Variants in MYOM2 observed in about 807,000 individuals in gnomAD.
MYOM2 encodes the protein myomesin-2.
A neutral mutation model predicts 187.6 loss-of-function variants in MYOM2; 254 were observed. The ratio of observed to expected loss-of-function variants is 1.35; its 90% CI spans 1.22 to 1.50. The LOEUF is 1.50. Among genes scored for constraint, MYOM2 ranks in the 40% most tolerant of loss-of-function variants. The probability of loss-of-function intolerance (pLI) is 0.00; values close to 1 mark genes in which losing one functional copy is unlikely to be tolerated. For missense variants in MYOM2, 2,796 were observed against 1,924.0 expected, an observed-to-expected ratio of 1.45 and a Z score of -8.48; for synonymous variants, 981 against 753.8, an observed-to-expected ratio of 1.30 and a Z score of -4.94.
intron 28 of MYOM2, among the ~76,000 whole-genome samples, chr8:2,118,339 G>A (rs765101036): frequency 2.6e-5 from 4 of 152,110 alleles, no homozygotes; most frequent in Non-Finnish European, 5.9e-5. Context: ...TTTCAGTTTC[G>A]TTTAACAATG....
intron 17 of MYOM2, 82 bp downstream of exon 17, chr8:2,094,173 T>G: frequency 6.5e-7 from 1 of 1,536,636 alleles, no homozygotes; most frequent in Non-Finnish European, 8.9e-7. Context: ...TGATGCCATT[T>G]GGAATGTCAT....
chr8:2,143,457 G>A lies in MYOM2; in HGVS notation c.4080+1G>A. ...CGTGGTGACCATCATGGAAGGGAAG[G>A]TGAGGATTCTAAACTCGGCCGGGGT... is the stretch of plus-strand genomic sequence containing the variant. On this transcript the variant is annotated splice_donor_variant, in intron 36 of 36. Transcript: ENST00000262113. LOFTEE classifies it high-confidence loss of function. The A allele has an allele frequency of 1.2e-6, 2 of 1,614,132 alleles. No homozygotes were observed. The highest frequency in any genetic ancestry group is 8.5e-7 in the Non-Finnish European group (1 of 1,180,022).
At position 2,103,658 on chromosome 8, in the gene MYOM2, T is replaced by C. The variant is rs184290635; in HGVS notation, c.2734+877T>C. ...GGAGAGCGTGCATGTATTATGTGTA[T>C]ATGTGTATGTATGTAGAGGTATATG... On this transcript the variant is annotated intron_variant, in intron 21 of 36. Coordinates refer to ENST00000262113, the MANE Select transcript of MYOM2 (RefSeq NM_003970.4). 1.9e-3 allele frequency among the ~76,000 whole-genome samples: 286 copies of C among 150,838 alleles called. 1 individual carries two copies. The highest frequency in any genetic ancestry group is 6.7e-3 in the African/African-American group (273 of 40,896).
chr8:2,046,082 C>A (rs7010611), intron 1 of MYOM2, among the ~76,000 whole-genome samples: 1 of 152,160 alleles, frequency 6.6e-6, no homozygotes, highest in Non-Finnish European at 1.5e-5. Flanking sequence ...GTGGCACAGG[C>A]CAACGCTGCG....
chr8:2,110,890 A>G (rs1797047915), intron 25 of MYOM2, among the ~76,000 whole-genome samples: 2 of 152,188 alleles, frequency 1.3e-5, no homozygotes, highest in Admixed American at 6.5e-5. Context: ...AGTCTTTCCC[A>G]TGAGAATCAT....
Position 2,140,801 on chromosome 8 carries a change from G to A in MYOM2, c.3879G>A (p.Pro1293=), listed in dbSNP as rs371862202. Reference sequence around the variant, plus strand: ...TGGCTTGGCTGCAGATATGTGAGCCGACTGAGAAGGATAAAGGAAAATACA... The same window carrying A: ...TGGCTTGGCTGCAGATATGTGAGCCAACTGAGAAGGATAAAGGAAAATACA... ...EEMAWLQICE[P]TEKDKGKYTF... Residue 1293 remains proline, a synonymous_variant, in exon 33 of 37, where the codon CCG becomes CCA. Transcript: ENST00000262113. 4.6e-5 allele frequency: 74 copies of A among 1,614,110 alleles called. No individual in the cohort carries two copies. Among genetic ancestry groups the A allele is most frequent in the East Asian group, 3.8e-4 (17 of 44,880 alleles).
chr8:2,112,545 G>A (rs1376173801), intron 25 of MYOM2, among the ~76,000 whole-genome samples: 4 of 152,172 alleles, frequency 2.6e-5, no homozygotes, highest in South Asian at 2.1e-4. Flanking sequence ...AGTGATCTTA[G>A]GAAATAGTGT....
At chr8:2,134,984 A>T (rs1427823138) in intron 32 of MYOM2, among the ~76,000 whole-genome samples, 3 of 152,088 alleles carry the variant, frequency 2.0e-5, no homozygotes, top group African/African-American at 7.2e-5. Context: ...GTGCACACGG[A>T]GGCACACACT....
chr8:2,096,200 C>A (rs748249999), intron 17 of MYOM2, 47 bp from the exon 18 acceptor site: 36 of 1,572,928 alleles, frequency 2.3e-5, no homozygotes, highest in East Asian at 4.5e-5. Context: ...GGGGACAAAG[C>A]CCCCAGCTGA....
intron 32 of MYOM2, among the ~76,000 whole-genome samples, chr8:2,136,406 G>A (rs72621162): frequency 9.2e-5 from 14 of 152,200 alleles, no homozygotes; most frequent in Admixed American, 3.9e-4. Context: ...AAGTGGGCCA[G>A]TGTGTGATTT....
At position 2,056,889 on chromosome 8, in the gene MYOM2, T is replaced by C. The variant is rs62480511; in HGVS notation, c.264-459T>C. On this transcript the variant is annotated intron_variant, in intron 3 of 36. Transcript: ENST00000262113. ...ATTTCCCGAGTTGCCCTGTCTTTAC[T>C]GAGCACCTGCTGCATGTGAGTTTCT... Among the ~76,000 whole-genome samples, 323 of 152,344 alleles carry C rather than the reference T, an allele frequency of 2.1e-3. 3 individuals are homozygous for C. The highest frequency in any genetic ancestry group is 7.4e-3 in the African/African-American group (306 of 41,590).
At chr8:2,094,304 A>C (rs1489111567) in intron 17 of MYOM2, among the ~76,000 whole-genome samples, 2 of 152,210 alleles carry the variant, frequency 1.3e-5, no homozygotes, top group African/African-American at 4.8e-5. Flanking sequence ...ACACTAATAA[A>C]ACGCAAATTA....
rs1418382437 is a variant in MYOM2 at position 2,050,776 on chromosome 8, G to C, written c.10G>C (p.Val4Leu). 2 of 1,611,958 alleles carry C rather than the reference G, an allele frequency of 1.2e-6. No individual in the cohort carries two copies. Among genetic ancestry groups the C allele is most frequent in the Non-Finnish European group, 8.5e-7 (1 of 1,178,258 alleles). The part of the protein sequence containing the change: MSL[V>L]TVPFYQKRHR... The stretch of plus-strand genomic sequence containing the variant: ...GTAGGAGCACGCCAAGATGTCCCTT[G>C]TGACTGTCCCCTTCTACCAGAAGAG... Residue 4 changes from valine to leucine, a missense_variant, in exon 2 of 37, where the codon GTG becomes CTG. By Grantham distance (32) the Val-to-Leu change is conservative. Coordinates refer to ENST00000262113, the MANE Select transcript of MYOM2 (RefSeq NM_003970.4).
At chr8:2,107,186 C>T (rs1004230979) in intron 23 of MYOM2, among the ~76,000 whole-genome samples, 1 of 152,060 alleles carries the variant, frequency 6.6e-6, no homozygotes, top group Non-Finnish European at 1.5e-5. Flanking sequence ...TTTTTTTAAA[C>T]TGCCTAGCAT....
chr8:2,088,900 G>T (rs1345458515), intron 14 of MYOM2, among the ~76,000 whole-genome samples: 1 of 152,206 alleles, frequency 6.6e-6, no homozygotes, highest in Non-Finnish European at 1.5e-5. Context: ...CCTTCCCTTT[G>T]TGGACCCATA....
chr8:2,135,281 C>G (rs1269533301), intron 32 of MYOM2, among the ~76,000 whole-genome samples: 1 of 152,138 alleles, frequency 6.6e-6, no homozygotes, highest in Non-Finnish European at 1.5e-5. Context: ...CATACAGTAT[C>G]AAATCAAAAT....
rs7004387 is a variant in MYOM2, at chr8:2,103,365, T to C, written c.2734+584T>C. Among the ~76,000 whole-genome samples the C allele has an allele frequency of 7.3e-3, 1,112 of 151,888 alleles. 13 individuals are homozygous for C. The highest frequency in any genetic ancestry group is 0.025 in the African/African-American group (1,040 of 41,360). ...GCATATGTGTATGTATGGATGGGTGTATGGATAAATGAGTGGGAGAGCGTG... is the reference window on the plus strand; with the variant it reads ...GCATATGTGTATGTATGGATGGGTGCATGGATAAATGAGTGGGAGAGCGTG... On this transcript the variant is annotated intron_variant, in intron 21 of 36. Coordinates refer to ENST00000262113, the MANE Select transcript of MYOM2 (RefSeq NM_003970.4).
At chr8:2,141,979 T>C (rs1327449516) in intron 34 of MYOM2, among the ~76,000 whole-genome samples, 2 of 151,918 alleles carry the variant, frequency 1.3e-5, no homozygotes, top group Non-Finnish European at 2.9e-5. Context: ...GCTTATTTAA[T>C]GAACATTTGT....
chr8:2,122,755 G>A (rs996073370), intron 28 of MYOM2, among the ~76,000 whole-genome samples: 1 of 152,162 alleles, frequency 6.6e-6, no homozygotes, highest in Non-Finnish European at 1.5e-5. Context: ...TGAATTGTGA[G>A]GAATTTCAGT....
Sources: gnomAD v4.1 joint callset for allele counts (sites outside exome capture counted in the v4.1 genomes callset) on GRCh38, gnomAD v4.1.1 for gene constraint, MANE v1.5 for transcripts, NCBI Gene and HGNC (gene_info 2026-07-23, HGNC 2026-07-21) for gene names.